Variants in ATG16L2 observed in about 807,000 individuals in gnomAD.
ATG16L2 encodes the protein protein Atg16l2.
In ATG16L2, 77 loss-of-function variants were observed where a neutral mutation model predicts 84.7. The ratio of observed to expected loss-of-function variants is 0.91; its 90% CI spans 0.76 to 1.10. The LOEUF (loss-of-function observed/expected upper bound fraction) is 1.10, where lower values mean the gene tolerates loss of function less well. Ranked by LOEUF, ATG16L2 falls within the 50% of genes least tolerant of loss-of-function variation. The probability of loss-of-function intolerance (pLI) is 0.00; values close to 1 mark genes in which losing one functional copy is unlikely to be tolerated. For missense variants in ATG16L2, 782 were observed against 817.6 expected (o/e 0.96, Z 0.53); for synonymous variants, 361 against 342.8 (o/e 1.05, Z -0.59).
chr11:72,836,899 T>G (rs915118239), intron 5 of ATG16L2: 1 of 152,578 alleles, frequency 6.6e-6, no homozygotes, highest in African/African-American at 2.4e-5. Context: ...GAGGGGTTAT[T>G]TTTTAAAAAG....
At position 72,823,231 on chromosome 11, in the gene ATG16L2, T is replaced by C. The variant is rs1860120123; in HGVS notation, c.824+270T>C. ...GGGGGTGGGGAGTCAGGCTTCTGAA[T>C]AGCTGTCACCAGGAGAGAACCTGTG... On this transcript the variant is annotated intron_variant, in intron 7 of 17. Coordinates refer to ENST00000321297, the MANE Select transcript of ATG16L2 (RefSeq NM_033388.2). The C allele has an allele frequency of 9.9e-6, 4 of 404,700 alleles. No individual in the cohort carries two copies. The East Asian group carries it at 1.6e-4, about 16-fold the overall frequency. 25.1% of individuals were successfully genotyped at this position (404,700 alleles called of 1,614,324 possible). A position where few individuals can be genotyped will look rare whatever the true frequency, so the allele number is the denominator to read the frequency against.
intron 17 of ATG16L2, 118 bp downstream of exon 17, chr11:72,829,102 C>A: frequency 1.7e-6 from 2 of 1,173,316 alleles, no homozygotes; most frequent in Non-Finnish European, 2.5e-6. Flanking sequence ...TTCCACCCGA[C>A]CAGAGCCCTT....
rs961394680 is a variant in ATG16L2 at position 72,828,667 on chromosome 11, C to G, written c.1623-62C>G. On this transcript the variant is annotated intron_variant, in intron 15 of 17. Transcript: ENST00000321297. ...CGACAAAGAGGAAGCTCTGGAAGCTCACTGCAGAGGGCAGAGACTAGTGAT... is the reference window on the plus strand; with the variant it reads ...CGACAAAGAGGAAGCTCTGGAAGCTGACTGCAGAGGGCAGAGACTAGTGAT... 3 of 1,606,252 alleles carry G rather than the reference C, an allele frequency of 1.9e-6. No individual in the cohort carries two copies. The African/African-American group carries it at 4.0e-5, about 21-fold the overall frequency.
chr11:72,821,297 C>G (rs1859977337), intron 3 of ATG16L2: 1 of 1,030,444 alleles, frequency 9.7e-7, no homozygotes, highest in Non-Finnish European at 1.2e-6. Flanking sequence ...GGGCATTTGG[C>G]AGCCTCTGCG....
intron 5 of ATG16L2, among the ~76,000 whole-genome samples, chr11:72,841,256 C>A (rs1017676366): frequency 6.7e-6 from 1 of 148,378 alleles, no homozygotes; most frequent in African/African-American, 2.5e-5. Context: ...ATCACTTGAG[C>A]CCAGGAATTG....
At chr11:72,828,338 G>C (rs1398419380) in intron 14 of ATG16L2, 21 bp from the exon 15 acceptor site, 2 of 1,613,648 alleles carry the variant, frequency 1.2e-6, no homozygotes, top group South Asian at 2.2e-5. Context: ...CCTCATCCCT[G>C]TCTCTGTCCT....
At chr11:72,838,791 T>A (rs1430315662) in intron 5 of ATG16L2, 2 of 1,598,782 alleles carry the variant, frequency 1.3e-6, no homozygotes, top group Admixed American at 1.7e-5. Context: ...AAGCCCATCA[T>A]CACACCAGTG....
intron 1 of ATG16L2, 73 bp from the exon 2 acceptor site, chr11:72,816,655 G>T (rs748752549): frequency 7.9e-7 from 1 of 1,260,164 alleles, no homozygotes; most frequent in Non-Finnish European, 1.2e-6. Context: ...CCTTTTAGCC[G>T]GAGATAAATT....
At position 72,814,433 on chromosome 11, in the gene ATG16L2, GGA is replaced by G; in HGVS notation, c.-9_-8del. The G allele has an allele frequency of 6.8e-7, 1 of 1,461,726 alleles. No individual in the cohort carries two copies. The highest frequency in any genetic ancestry group is 9.1e-7 in the Non-Finnish European group (1 of 1,097,582). The allele number at this position is 1,461,726 out of a possible 1,614,324, so 90.5% of individuals were successfully genotyped here. On this transcript the variant is annotated 5_prime_UTR_variant, in exon 1 of 18. Transcript: ENST00000321297. ...GGCGGGAGGAACGCGCCGCTAGGCG[GGA>G]GAGCGCGGCCATGGCGGGGCCGGGC...
downstream of ATG16L2, among the ~76,000 whole-genome samples, chr11:72,833,092 G>C (rs1316508340): frequency 6.6e-6 from 1 of 152,208 alleles, no homozygotes; most frequent in East Asian, 1.9e-4. Flanking sequence ...ACTGCCCCTT[G>C]GTCATCTCTC....
chr11:72,831,546 T>C (rs1011743785), downstream of ATG16L2, among the ~76,000 whole-genome samples: 17 of 152,200 alleles, frequency 1.1e-4, no homozygotes, highest in African/African-American at 3.9e-4. Flanking sequence ...TCAGCCAGTC[T>C]AACGGTCTAA....
chr11:72,830,398 C>T (rs184712120), downstream of ATG16L2, among the ~76,000 whole-genome samples: 12 of 152,300 alleles, frequency 7.9e-5, no homozygotes, highest in East Asian at 2.3e-3. Flanking sequence ...GGTTCTAGTA[C>T]TCCTCCACCC....
At chr11:72,826,078 TG>T in intron 10 of ATG16L2, 94 bp from the exon 11 acceptor site, 2 of 989,594 alleles carry the variant, frequency 2.0e-6, no homozygotes, top group Non-Finnish European at 3.0e-6. Context: ...TGTCGGGGGG[TG>T]GGGCGGGAAC....
intron 7 of ATG16L2, 108 bp from the exon 8 acceptor site, chr11:72,823,947 AGACTT>A: frequency 8.4e-7 from 1 of 1,192,590 alleles, no homozygotes; most frequent in Non-Finnish European, 1.3e-6. Context: ...TTCTTATCCC[AGACTT>A]GAGAGGTTAC....
chr11:72,841,235 G>T (rs1207100605), intron 5 of ATG16L2, among the ~76,000 whole-genome samples: 1 of 150,372 alleles, frequency 6.7e-6, no homozygotes, highest in Non-Finnish European at 1.5e-5. Context: ...TAGGGAGGCT[G>T]AGGCAGGAGG....
At chr11:72,815,043 G>A (rs1354824390) in intron 1 of ATG16L2, among the ~76,000 whole-genome samples, 1 of 152,238 alleles carries the variant, frequency 6.6e-6, no homozygotes, top group African/African-American at 2.4e-5. Flanking sequence ...CTCTGCCGCT[G>A]ACAGGCGACG....
chr11:72,825,388 C>G lies in ATG16L2; in HGVS notation c.1083C>G (p.His361Gln). The change falls in exon 10 of 18, where the codon CAC becomes CAG. Residue 361 changes from histidine (H) to glutamine (Q), a missense_variant. His to Gln is a conservative substitution (Grantham distance 24, BLOSUM62 0). Transcript: ENST00000321297. Reference sequence around the variant, plus strand: ...CTGGAGGGGCTGACCGCCTGATCCACCTCTGGAATGTTGTGGGAAGTAAGG... The same window carrying G: ...CTGGAGGGGCTGACCGCCTGATCCAGCTCTGGAATGTTGTGGGAAGTAAGG... ...LATGGADRLI[H>Q]LWNVVGSRLE... 18 of 1,612,644 alleles carry G rather than the reference C, an allele frequency of 1.1e-5. No homozygotes were observed. The highest frequency in any genetic ancestry group is 1.5e-5 in the Non-Finnish European group (18 of 1,179,962).
At position 72,824,907 on chromosome 11, in the gene ATG16L2, T is replaced by C. The variant is rs1591308302; in HGVS notation, c.996+65T>C. The C allele has an allele frequency of 2.9e-5, 40 of 1,386,058 alleles. No individual in the cohort carries two copies. The East Asian group carries it at 9.7e-4, about 34-fold the overall frequency. The allele number at this position is 1,386,058 out of a possible 1,614,324, so 85.9% of individuals were successfully genotyped here. A position where few individuals can be genotyped will look rare whatever the true frequency, so the allele number is the denominator to read the frequency against. On this transcript the variant is annotated intron_variant, in intron 9 of 17. Coordinates refer to ENST00000321297, the MANE Select transcript of ATG16L2 (RefSeq NM_033388.2). Reference sequence around the variant, plus strand: ...AGAGAGTGCAGGCACAGGGGTGGTCTCGGCACCAGGGGTGGTCCCAAGAGG... The same window carrying C: ...AGAGAGTGCAGGCACAGGGGTGGTCCCGGCACCAGGGGTGGTCCCAAGAGG...
At position 72,814,493 on chromosome 11, in the gene ATG16L2, C is replaced by T; in HGVS notation, c.48C>T (p.Arg16=). ...VPGAPAARWK[R]HIVRQLRLRD... ...GTGCCCCCGCAGCGCGCTGGAAACGCCACATCGTGCGGCAGCTGCGGCTTC... is the reference window on the plus strand; with the variant it reads ...GTGCCCCCGCAGCGCGCTGGAAACGTCACATCGTGCGGCAGCTGCGGCTTC... Residue 16 remains arginine, a synonymous_variant, in exon 1 of 18, where the codon CGC becomes CGT. Transcript: ENST00000321297. The T allele has an allele frequency of 6.5e-7, 1 of 1,542,216 alleles. No individual in the cohort carries two copies.
Sources: allele counts gnomAD v4.1 joint callset (sites outside exome capture counted in the v4.1 genomes callset), GRCh38; gene constraint gnomAD v4.1.1; transcripts MANE v1.5; gene names NCBI Gene and HGNC (gene_info 2026-07-23, HGNC 2026-07-21).